Variants in PPP1R14A observed in about 807,000 individuals in gnomAD.
PPP1R14A encodes the protein protein phosphatase 1 regulatory inhibitor subunit 14A, also known as protein phosphatase 1 regulatory subunit 14A.
Under a neutral mutation model 14.1 loss-of-function variants are expected in PPP1R14A, and 9 were observed. That is an observed-to-expected ratio of 0.64 (90% CI 0.38 to 1.11). The LOEUF (loss-of-function observed/expected upper bound fraction) is 1.11. PPP1R14A is among the 50% of genes most tolerant of loss of function. The pLI, the probability that PPP1R14A is intolerant of heterozygous loss-of-function variation, is 0.01. For missense variants in PPP1R14A, 208 were observed against 200.7 expected, an observed-to-expected ratio of 1.04 and a Z score of -0.22; for synonymous variants, 93 against 88.7, an observed-to-expected ratio of 1.05 and a Z score of -0.27.
chr19:38,253,016 C>T, intron 1 of PPP1R14A, 42 bp from the exon 2 acceptor site: 2 of 1,494,358 alleles, frequency 1.3e-6, no homozygotes, highest in Non-Finnish European at 1.9e-6. Flanking sequence ...CCCCTTCCCT[C>T]CCTCCCTCGC....
chr19:38,256,090 C>T lies in PPP1R14A; in HGVS notation c.201+49G>A, dbSNP rs774032486. On this transcript the variant is annotated intron_variant, in intron 1 of 3. Coordinates refer to ENST00000301242, the MANE Select transcript of PPP1R14A (RefSeq NM_033256.3). The surrounding 1 kb of genome is among the most constrained non-coding windows in gnomAD (Gnocchi z 5.7). ...ACCCCAAGGGCGTGGGGTCTCCGCG[C>T]CCGGGCTCTATCTGTCCCCGACCAC... is the stretch of plus-strand genomic sequence containing the variant. The T allele has an allele frequency of 7.4e-6, 11 of 1,486,766 alleles. No individual in the cohort carries two copies. Among genetic ancestry groups the T allele is most frequent in the South Asian group, 1.3e-5 (1 of 78,764 alleles). 92.1% of individuals were successfully genotyped at this position (1,486,766 alleles called of 1,614,324 possible).
intron 3 of PPP1R14A, 40 bp from the exon 4 acceptor site, chr19:38,251,486 C>G: frequency 2.0e-6 from 3 of 1,498,020 alleles, no homozygotes; most frequent in Non-Finnish European, 2.6e-6. Flanking sequence ...GGGAACAGTG[C>G]GGGGGCACCC....
At chr19:38,253,067 C>T in intron 1 of PPP1R14A, 93 bp from the exon 2 acceptor site, 1 of 991,762 alleles carries the variant, frequency 1.0e-6, no homozygotes, top group Non-Finnish European at 1.6e-6. Context: ...GGCCCCAGGG[C>T]CCAGCTGGCG....
Position 38,251,365 on chromosome 19 carries a change from C to T in PPP1R14A, c.397G>A (p.Gly133Ser), listed in dbSNP as rs761210066. Residue 133 changes from glycine (G) to serine (S), a missense_variant, in exon 4 of 4, where the codon GGC (glycine) becomes AGC (serine). By Grantham distance (56) the Gly-to-Ser change is moderately conservative. Transcript: ENST00000301242. ...GLRQPSPSHD[G>S]SLSPLQDRAR... ...CGGTCCTGGAGGGGGCTGAGGCTGC[C>T]GTCGTGGGAGGGGCTTGGCTGGCGG... 8 of 1,552,552 alleles carry T rather than the reference C, an allele frequency of 5.2e-6. No individual in the cohort carries two copies. Among genetic ancestry groups the T allele is most frequent in the African/African-American group, 2.8e-5 (2 of 70,396 alleles).
intron 1 of PPP1R14A, 88 bp from the exon 2 acceptor site, chr19:38,253,062 C>T: frequency 9.7e-7 from 1 of 1,031,662 alleles, no homozygotes; most frequent in Non-Finnish European, 1.5e-6. Flanking sequence ...CCACCGGCCC[C>T]AGGGCCCAGC....
chr19:38,256,115 C>T lies in PPP1R14A; in HGVS notation c.201+24G>A, dbSNP rs754146001. 1 of 1,530,624 alleles carries T rather than the reference C, an allele frequency of 6.5e-7. No individual in the cohort carries two copies. Among genetic ancestry groups the T allele is most frequent in the Non-Finnish European group, 8.7e-7 (1 of 1,143,432 alleles). The allele number at this position is 1,530,624 out of a possible 1,614,324, so 94.8% of individuals were successfully genotyped here. ...CCCGGGCTCTATCTGTCCCCGACCA[C>T]CCCCGAGCCCTCCCCGGGCTCACCA... On this transcript the variant is annotated intron_variant, in intron 1 of 3. Coordinates refer to ENST00000301242, the MANE Select transcript of PPP1R14A (RefSeq NM_033256.3). The surrounding 1 kb of genome is among the most constrained non-coding windows in gnomAD (Gnocchi z 5.7).
intron 1 of PPP1R14A, among the ~76,000 whole-genome samples, chr19:38,253,880 G>A (rs922001764): frequency 6.6e-6 from 1 of 152,216 alleles, no homozygotes; most frequent in Admixed American, 6.5e-5. Context: ...ACCTGGCATC[G>A]TGCAGTGGCT....
chr19:38,254,793 G>C (rs546160835), intron 1 of PPP1R14A, among the ~76,000 whole-genome samples: 1 of 152,038 alleles, frequency 6.6e-6, no homozygotes, highest in African/African-American at 2.4e-5. Flanking sequence ...ACAGTTTTTT[G>C]TTTGTTTGTT....
chr19:38,251,757 A>G (rs1363509369), intron 3 of PPP1R14A: 1 of 432,868 alleles, frequency 2.3e-6, no homozygotes. Context: ...AGAGACAGAG[A>G]GAGACATAAG....
At position 38,256,098 on chromosome 19, in the gene PPP1R14A, C is replaced by A; in HGVS notation, c.201+41G>T. ...GGCGTGGGGTCTCCGCGCCCGGGCT[C>A]TATCTGTCCCCGACCACCCCCGAGC... On this transcript the variant is annotated intron_variant, in intron 1 of 3. Transcript: ENST00000301242. The surrounding 1 kb of genome is among the most constrained non-coding windows in gnomAD (Gnocchi z 5.7). 6.6e-7 allele frequency: 1 copy of A among 1,507,864 alleles called. No homozygotes were observed. Among genetic ancestry groups the A allele is most frequent in the South Asian group, 1.2e-5 (1 of 81,062 alleles). The allele number at this position is 1,507,864 out of a possible 1,614,324, so 93.4% of individuals were successfully genotyped here.
intron 1 of PPP1R14A, among the ~76,000 whole-genome samples, chr19:38,255,544 T>G (rs373736304): frequency 1.3e-5 from 2 of 152,248 alleles, no homozygotes; most frequent in East Asian, 1.9e-4. Flanking sequence ...GGGGTTGTGC[T>G]GTGTCTGCCT....
rs774662163 is a variant in PPP1R14A at position 38,252,385 on chromosome 19, C to T, written c.283-47G>A. 2 of 1,584,164 alleles carry T rather than the reference C, an allele frequency of 1.3e-6. No individual in the cohort carries two copies. The highest frequency in any genetic ancestry group is 1.7e-5 in the Admixed American group (1 of 58,620). Reference sequence around the variant, plus strand: ...AAAACAAAACAGTAAATGACTAACACCTACTCCCCTCCAGCCCCTTCCCTT... The same window carrying T: ...AAAACAAAACAGTAAATGACTAACATCTACTCCCCTCCAGCCCCTTCCCTT... On this transcript the variant is annotated intron_variant, in intron 2 of 3. Transcript: ENST00000301242. This position sits in a 1 kb window ranked among gnomAD's most constrained non-coding sequence, Gnocchi z 4.1.
chr19:38,252,774 A>G lies in PPP1R14A; in HGVS notation c.282+120T>C, dbSNP rs1968203828. 4 of 787,856 alleles carry G rather than the reference A, an allele frequency of 5.1e-6. No homozygotes were observed. Among genetic ancestry groups the G allele is most frequent in the Non-Finnish European group, 8.9e-6 (4 of 449,062 alleles). The allele number at this position is 787,856 out of a possible 1,614,324, so 48.8% of individuals were successfully genotyped here. ...TTGTGAGGGTTAAGTGAGTGAATAC[A>G]TGTAAAGCCATCACACCAGTGCCCG... On this transcript the variant is annotated intron_variant, in intron 2 of 3. Coordinates refer to ENST00000301242, the MANE Select transcript of PPP1R14A (RefSeq NM_033256.3). This position sits in a 1 kb window ranked among gnomAD's most constrained non-coding sequence, Gnocchi z 4.1.
chr19:38,253,341 A>C, intron 1 of PPP1R14A: 2 of 198,546 alleles, frequency 1.0e-5, no homozygotes, highest in Non-Finnish European at 2.0e-5. Context: ...CTGCCCTTTC[A>C]AGGAAAAGTC....
chr19:38,254,432 G>A (rs999655514), intron 1 of PPP1R14A, among the ~76,000 whole-genome samples: 1 of 151,784 alleles, frequency 6.6e-6, no homozygotes, highest in African/African-American at 2.4e-5. Flanking sequence ...AGCCTCCCAA[G>A]TAGCTGGGAT....
intron 3 of PPP1R14A, chr19:38,251,841 C>T (rs1600316042): frequency 3.0e-6 from 1 of 334,128 alleles, no homozygotes; most frequent in Non-Finnish European, 5.4e-6. Context: ...AATGCAATGA[C>T]GTTTGTCCCT....
In PPP1R14A at chr19:38,252,454, AG is replaced by A; in HGVS notation, c.283-117del. The A allele has an allele frequency of 2.0e-6, 2 of 1,024,984 alleles. No homozygotes were observed. Among genetic ancestry groups the A allele is most frequent in the Non-Finnish European group, 3.0e-6 (2 of 677,684 alleles). The allele number at this position is 1,024,984 out of a possible 1,614,324, so 63.5% of individuals were successfully genotyped here. ...GCAAGACAAATGGAAGTCAGACTCC[AG>A]GGTGGACTGCCCACCAAGCTTCAAG... On this transcript the variant is annotated intron_variant, in intron 2 of 3. Coordinates refer to ENST00000301242, the MANE Select transcript of PPP1R14A (RefSeq NM_033256.3). The surrounding 1 kb of genome is among the most constrained non-coding windows in gnomAD (Gnocchi z 4.1).
At position 38,251,373 on chromosome 19, in the gene PPP1R14A, G is replaced by A; in HGVS notation, c.389C>T (p.Ser130Phe). ...RQPGLRQPSPSHDGSLSPLQD... is the reference protein window; with the variant it reads ...RQPGLRQPSPFHDGSLSPLQD... Reference sequence around the variant, plus strand: ...GAGGGGGCTGAGGCTGCCGTCGTGGGAGGGGCTTGGCTGGCGGAGGCCGGG... The same window carrying A: ...GAGGGGGCTGAGGCTGCCGTCGTGGAAGGGGCTTGGCTGGCGGAGGCCGGG... The change falls in exon 4 of 4, where the codon TCC (serine) becomes TTC (phenylalanine). Residue 130 changes from serine to phenylalanine, a missense_variant. Coordinates refer to ENST00000301242, the MANE Select transcript of PPP1R14A (RefSeq NM_033256.3). 2.6e-6 allele frequency: 4 copies of A among 1,559,832 alleles called. No homozygotes were observed. The highest frequency in any genetic ancestry group is 3.4e-6 in the Non-Finnish European group (4 of 1,161,768).
intron 3 of PPP1R14A, chr19:38,251,776 AAGAAACAG>A: frequency 7.6e-6 from 3 of 395,724 alleles, no homozygotes; most frequent in Non-Finnish European, 1.3e-5. Context: ...AGGACAGAGA[AAGAAACAG>A]AGACATGTGG....
Sources: gnomAD v4.1 joint callset for allele counts (sites outside exome capture counted in the v4.1 genomes callset) on GRCh38, gnomAD v4.1.1 for gene constraint, Gnocchi (gnomAD v3.1) non-coding constraint, MANE v1.5 for transcripts, NCBI Gene and HGNC (gene_info 2026-07-23, HGNC 2026-07-21) for gene names.